AUTS2: variants seen among roughly 807,000 people sequenced by gnomAD.
The protein encoded by AUTS2 is autism susceptibility gene 2 protein.
Under a neutral mutation model 112.4 loss-of-function variants are expected in AUTS2, and 17 were observed. That is an observed-to-expected ratio of 0.15 (90% CI 0.10 to 0.23). The LOEUF is 0.23. AUTS2 is among the 10% of genes least tolerant of loss of function. The pLI is 1.00. For missense variants in AUTS2, 1,510 were observed against 1,701.6 expected (o/e 0.89, Z 1.98); for synonymous variants, 751 against 702.7 (o/e 1.07, Z -1.09).
intron 1 of AUTS2, among the ~76,000 whole-genome samples, chr7:69,653,881 T>G (rs1241644451): frequency 6.6e-6 from 1 of 152,024 alleles, no homozygotes; most frequent in Non-Finnish European, 1.5e-5. Flanking sequence ...TTCCACTCTA[T>G]GAAGAGACCT....
intron 5 of AUTS2, among the ~76,000 whole-genome samples, chr7:70,648,902 T>G (rs1806327337): frequency 6.6e-6 from 1 of 152,160 alleles, no homozygotes; most frequent in South Asian, 2.1e-4. Flanking sequence ...GGAACCTTTG[T>G]TAAGAGTTCA....
intron 4 of AUTS2, among the ~76,000 whole-genome samples, chr7:70,239,904 G>A (rs542766496): frequency 2.4e-4 from 37 of 152,282 alleles, no homozygotes; most frequent in African/African-American, 8.7e-4. Flanking sequence ...ATTGCCGATC[G>A]GGAAAGTACG....
intron 1 of AUTS2, among the ~76,000 whole-genome samples, chr7:69,711,397 A>G (rs559152775): frequency 6.6e-6 from 1 of 152,238 alleles, no homozygotes; most frequent in African/African-American, 2.4e-5. Context: ...TCTTATTTTA[A>G]ATTTCCTTTT....
At chr7:70,772,396 G>A (rs1012989179) in intron 11 of AUTS2, among the ~76,000 whole-genome samples, 1 of 152,158 alleles carries the variant, frequency 6.6e-6, no homozygotes, top group African/African-American at 2.4e-5. Flanking sequence ...AGTCATTCTC[G>A]AAACACTCTC....
chr7:69,727,182 A>G (rs898950010), intron 1 of AUTS2, among the ~76,000 whole-genome samples: 4 of 152,112 alleles, frequency 2.6e-5, no homozygotes, highest in Non-Finnish European at 5.9e-5. Context: ...TTTGAGTGTG[A>G]TATGAGGTAA....
chr7:70,061,564 T>A (rs1418141841), intron 2 of AUTS2, among the ~76,000 whole-genome samples: 1 of 152,120 alleles, frequency 6.6e-6, no homozygotes, highest in Non-Finnish European at 1.5e-5. Context: ...TGACTGTTGG[T>A]AGCTTTCCTA....
chr7:69,682,203 A>G (rs1308847437), intron 1 of AUTS2, among the ~76,000 whole-genome samples: 1 of 152,254 alleles, frequency 6.6e-6, no homozygotes, highest in Admixed American at 6.5e-5. Context: ...TTCTGAAGAT[A>G]CTATTTCCTG....
intron 1 of AUTS2, among the ~76,000 whole-genome samples, chr7:69,746,443 A>T (rs1248900483): frequency 6.6e-6 from 1 of 152,116 alleles, no homozygotes; most frequent in East Asian, 1.9e-4. Flanking sequence ...GAAATAATTC[A>T]GGGTGTAGGA....
intron 10 of AUTS2, among the ~76,000 whole-genome samples, chr7:70,769,292 G>A (rs960662020): frequency 3.3e-5 from 5 of 152,206 alleles, no homozygotes; most frequent in Admixed American, 2.6e-4. Flanking sequence ...GACACCCAAA[G>A]CCCAGTAGAC....
At chr7:69,989,330 A>G (rs1432927582) in intron 2 of AUTS2, among the ~76,000 whole-genome samples, 1 of 152,184 alleles carries the variant, frequency 6.6e-6, no homozygotes, top group Non-Finnish European at 1.5e-5. Context: ...TGGCACTTCA[A>G]GGGGTTTGAG....
intron 2 of AUTS2, among the ~76,000 whole-genome samples, chr7:70,047,328 T>A (rs188845098): frequency 6.6e-6 from 1 of 152,352 alleles, no homozygotes; most frequent in African/African-American, 2.4e-5. Flanking sequence ...CCAGGCAGAA[T>A]GCTAACCCTC....
chr7:70,472,339 T>A (rs73704485), intron 5 of AUTS2, among the ~76,000 whole-genome samples: 16,942 of 150,262 alleles, frequency 0.11, 994 homozygotes, highest in East Asian at 0.16. Context: ...GTTTCTTGTT[T>A]GGGTTTTGGG....
chr7:69,962,504 A>G (rs1797471542), intron 2 of AUTS2, among the ~76,000 whole-genome samples: 2 of 152,296 alleles, frequency 1.3e-5, no homozygotes, highest in South Asian at 4.1e-4. Flanking sequence ...ATTGTAAGAT[A>G]GAAACAGTTT....
At chr7:69,782,345 G>T (rs1398270701) in intron 1 of AUTS2, among the ~76,000 whole-genome samples, 1 of 151,342 alleles carries the variant, frequency 6.6e-6, no homozygotes, top group Non-Finnish European at 1.5e-5. Flanking sequence ...GTGACAGAGT[G>T]AGACCCCATC....
At chr7:70,663,586 C>T (rs1173076583) in intron 5 of AUTS2, among the ~76,000 whole-genome samples, 2 of 151,576 alleles carry the variant, frequency 1.3e-5, no homozygotes, top group Non-Finnish European at 2.9e-5. Flanking sequence ...TTTGCCATCT[C>T]GTAAGCCTCT....
intron 2 of AUTS2, among the ~76,000 whole-genome samples, chr7:70,089,802 A>C (rs967015511): frequency 1.5e-4 from 23 of 152,052 alleles, no homozygotes; most frequent in African/African-American, 5.5e-4. Context: ...TGAGGTCAGG[A>C]GTTCAAGGCC....
intron 2 of AUTS2, among the ~76,000 whole-genome samples, chr7:69,923,131 G>A (rs1204229230): frequency 6.6e-6 from 1 of 152,138 alleles, no homozygotes; most frequent in Non-Finnish European, 1.5e-5. Flanking sequence ...GAAGTAGACT[G>A]TGCCTGTTTG....
At chr7:70,575,797 C>T (rs1161004381) in intron 5 of AUTS2, among the ~76,000 whole-genome samples, 13 of 152,304 alleles carry the variant, frequency 8.5e-5, no homozygotes, top group Admixed American at 2.6e-4. Flanking sequence ...TAACCTGCTG[C>T]AAGATACCAT....
chr7:69,663,216 A>C (rs1397428286), intron 1 of AUTS2: 2 of 152,174 alleles, frequency 1.3e-5, no homozygotes, highest in African/African-American at 2.4e-5. Flanking sequence ...TTAATGAGGG[A>C]AACTTTGACT....
Sources: allele counts gnomAD v4.1 joint callset (sites outside exome capture counted in the v4.1 genomes callset), GRCh38; gene constraint gnomAD v4.1.1; transcripts MANE v1.5; gene names NCBI Gene and HGNC (gene_info 2026-07-23, HGNC 2026-07-21).